FNDC3A: variants seen among roughly 807,000 people sequenced by gnomAD.
FNDC3A encodes fibronectin type-III domain-containing protein 3A.
In FNDC3A, 32 loss-of-function variants were observed where a neutral mutation model predicts 148.9. The observed-to-expected ratio is 0.21, with a 90% CI of 0.16 to 0.29. The LOEUF (loss-of-function observed/expected upper bound fraction) is 0.29, where lower values mean the gene tolerates loss of function less well. Among genes scored for constraint, FNDC3A ranks in the 10% least tolerant of loss-of-function variants. FNDC3A has a pLI of 1.00. For missense variants in FNDC3A, 1,191 were observed against 1,452.8 expected (o/e 0.82, Z 2.93); for synonymous variants, 472 against 473.6 (o/e 1.00, Z 0.04).
chr13:49,125,025 T>C (rs982804076), intron 4 of FNDC3A, among the ~76,000 whole-genome samples: 9 of 152,136 alleles, frequency 5.9e-5, no homozygotes, highest in Admixed American at 2.6e-4. Context: ...TGGGCTGTTA[T>C]GGTAATGAGA....
intron 2 of FNDC3A, among the ~76,000 whole-genome samples, chr13:49,010,003 G>A (rs996267980): frequency 6.6e-6 from 1 of 152,180 alleles, no homozygotes; most frequent in African/African-American, 2.4e-5. Context: ...GGCACAAAGA[G>A]GCTAATGCCA....
At chr13:49,021,143 T>C (rs1311990634) in intron 2 of FNDC3A, among the ~76,000 whole-genome samples, 3 of 152,230 alleles carry the variant, frequency 2.0e-5, no homozygotes, top group African/African-American at 7.2e-5. Context: ...GATTAATATA[T>C]ACTGCCAAAA....
At chr13:49,023,940 A>T (rs1873513992) in intron 2 of FNDC3A, among the ~76,000 whole-genome samples, 1 of 151,974 alleles carries the variant, frequency 6.6e-6, no homozygotes, top group African/African-American at 2.4e-5. Context: ...AAAGATTACA[A>T]AACCAAAAGT....
intron 2 of FNDC3A, among the ~76,000 whole-genome samples, chr13:49,073,779 ATG>A (rs1448516628): frequency 2.0e-5 from 3 of 146,384 alleles, no homozygotes; most frequent in African/African-American, 5.0e-5. Flanking sequence ...TATAATATAT[ATG>A]TGTATATATT....
intron 2 of FNDC3A, among the ~76,000 whole-genome samples, chr13:49,059,852 T>A (rs1345617106): frequency 6.6e-6 from 1 of 152,182 alleles, no homozygotes; most frequent in African/African-American, 2.4e-5. Context: ...CAATTAAAAC[T>A]GGGCAAATGA....
chr13:49,173,220 G>A (rs954616399), intron 11 of FNDC3A, among the ~76,000 whole-genome samples: 2 of 152,210 alleles, frequency 1.3e-5, no homozygotes, highest in Admixed American at 6.5e-5. Flanking sequence ...GGGCCAGAGG[G>A]AGTGGAAGAA....
intron 2 of FNDC3A, among the ~76,000 whole-genome samples, chr13:49,027,602 G>GT (rs1486959025): frequency 2.6e-5 from 4 of 152,116 alleles, no homozygotes; most frequent in Admixed American, 2.0e-4. Flanking sequence ...GAAAAGCAGT[G>GT]TTTTTTACAT....
intron 16 of FNDC3A, chr13:49,187,761 T>A: frequency 7.0e-6 from 6 of 855,994 alleles, no homozygotes; most frequent in Non-Finnish European, 1.1e-5. Context: ...TCCTGGATTT[T>A]TTTTTTCTTT....
At chr13:49,115,611 A>G (rs1481674619) in intron 4 of FNDC3A, among the ~76,000 whole-genome samples, 1 of 152,130 alleles carries the variant, frequency 6.6e-6, no homozygotes, top group African/African-American at 2.4e-5. Flanking sequence ...GAAAAGCTGA[A>G]TCCATATCTT....
chr13:49,009,380 T>G (rs770962563), intron 2 of FNDC3A, among the ~76,000 whole-genome samples: 6 of 152,196 alleles, frequency 3.9e-5, no homozygotes, highest in African/African-American at 9.6e-5. Flanking sequence ...GACATCTTGG[T>G]CACTTCCAGC....
At chr13:49,078,007 A>G (rs1352292189) in intron 3 of FNDC3A, among the ~76,000 whole-genome samples, 1 of 152,224 alleles carries the variant, frequency 6.6e-6, no homozygotes, top group African/African-American at 2.4e-5. Context: ...AGTTTCTAAT[A>G]GAGCACACAT....
chr13:49,124,609 C>A (rs1386502663), intron 4 of FNDC3A, among the ~76,000 whole-genome samples: 1 of 152,038 alleles, frequency 6.6e-6, no homozygotes, highest in African/African-American at 2.4e-5. Flanking sequence ...ATTTCTGGGG[C>A]CTGCTTGGTC....
intron 1 of FNDC3A, chr13:48,976,891 G>A (rs940410685): frequency 2.6e-5 from 4 of 152,214 alleles, no homozygotes; most frequent in Non-Finnish European, 4.4e-5. Flanking sequence ...CTTTTGACAC[G>A]GCTTTGGAAA....
In FNDC3A at chr13:49,196,988, G is replaced by T; in HGVS notation, c.2338G>T (p.Glu780Ter). ...TGCAACTTGTGCACAAGTGAATTGGGAGGTATTGTAATTTCCATTGACTTG... is the reference window on the plus strand; with the variant it reads ...TGCAACTTGTGCACAAGTGAATTGGTAGGTATTGTAATTTCCATTGACTTG... Reference protein sequence around the residue: ...RSATCAQVNWEVPLSNGTDVT... With the variant: ...RSATCAQVNW Residue 780 changes from glutamate to a stop codon, truncating the protein, a stop_gained and splice_region_variant, in exon 20 of 26, where the codon GAG becomes TAG. Coordinates refer to ENST00000492622, the MANE Select transcript of FNDC3A (RefSeq NM_001079673.2). LOFTEE classifies it high-confidence loss of function. 1 of 1,581,524 alleles carries T rather than the reference G, an allele frequency of 6.3e-7. No individual in the cohort carries two copies. Among genetic ancestry groups the T allele is most frequent in the Non-Finnish European group, 8.7e-7 (1 of 1,153,760 alleles).
chr13:49,119,298 GCAA>G (rs904930999), intron 4 of FNDC3A, among the ~76,000 whole-genome samples: 15 of 152,182 alleles, frequency 9.9e-5, no homozygotes, highest in Non-Finnish European at 1.8e-4. Context: ...GAAAGGAATA[GCAA>G]CAACATCAAG....
intron 2 of FNDC3A, among the ~76,000 whole-genome samples, chr13:49,018,100 G>A (rs1224177927): frequency 2.7e-5 from 4 of 150,786 alleles, no homozygotes; most frequent in African/African-American, 9.7e-5. Flanking sequence ...TCTTCTCGAG[G>A]AGTATCTTTG....
intron 1 of FNDC3A, among the ~76,000 whole-genome samples, chr13:48,979,984 T>C (rs529823933): frequency 5.3e-5 from 8 of 152,292 alleles, no homozygotes; most frequent in African/African-American, 1.9e-4. Flanking sequence ...TAGCACATAC[T>C]GTGAAATTTC....
intron 1 of FNDC3A, among the ~76,000 whole-genome samples, chr13:49,005,154 G>C (rs1193042948): frequency 1.3e-5 from 2 of 151,732 alleles, no homozygotes; most frequent in South Asian, 2.1e-4. Context: ...CATCATAGTA[G>C]TTGTTATATA....
intron 2 of FNDC3A, among the ~76,000 whole-genome samples, chr13:49,059,706 C>T (rs1341545997): frequency 6.6e-6 from 1 of 152,248 alleles, no homozygotes; most frequent in Non-Finnish European, 1.5e-5. Flanking sequence ...ATCCTCCCAC[C>T]TCAGCCTCCC....
Sources: allele counts gnomAD v4.1 joint callset (sites outside exome capture counted in the v4.1 genomes callset), GRCh38; gene constraint gnomAD v4.1.1; transcripts MANE v1.5; gene names NCBI Gene and HGNC (gene_info 2026-07-23, HGNC 2026-07-21).